Variants in TCERG1L observed in about 807,000 individuals in gnomAD.
TCERG1L encodes the protein transcription elongation regulator 1-like protein.
A neutral mutation model predicts 56.3 loss-of-function variants in TCERG1L; 37 were observed. The observed-to-expected ratio is 0.66, with a 90% CI of 0.51 to 0.87. The LOEUF (loss-of-function observed/expected upper bound fraction) is 0.87. Among genes scored for constraint, TCERG1L ranks in the 40% least tolerant of loss-of-function variants. TCERG1L has a pLI of 0.00. For synonymous variants in TCERG1L, 324 were observed against 326.3 expected (o/e 0.99, Z 0.08); for missense variants, 799 against 774.2 (o/e 1.03, Z -0.38).
chr10:131,126,759 C>A (rs1467168160), intron 8 of TCERG1L, among the ~76,000 whole-genome samples: 1 of 152,218 alleles, frequency 6.6e-6, no homozygotes, highest in African/African-American at 2.4e-5. Context: ...GCAGCACCTA[C>A]CTCCACCCAG....
At chr10:131,170,976 T>C (rs899667575) in intron 4 of TCERG1L, among the ~76,000 whole-genome samples, 1 of 152,058 alleles carries the variant, frequency 6.6e-6, no homozygotes, top group African/African-American at 2.4e-5. Context: ...TGAAACCCTG[T>C]CTCTACTAAA....
intron 6 of TCERG1L, among the ~76,000 whole-genome samples, chr10:131,151,402 T>C (rs1232822380): frequency 2.6e-5 from 4 of 151,920 alleles, no homozygotes; most frequent in Admixed American, 1.3e-4. Context: ...ATAGGCCCCA[T>C]GCAAGTCCAA....
intron 4 of TCERG1L, among the ~76,000 whole-genome samples, chr10:131,259,034 G>A (rs1039721342): frequency 2.0e-5 from 3 of 152,066 alleles, no homozygotes; most frequent in Admixed American, 6.5e-5. Context: ...CTAAATGCAT[G>A]TTCACTGACA....
chr10:131,129,813 T>G lies in TCERG1L; in HGVS notation c.1259+4566A>C, dbSNP rs114074708. Among the ~76,000 whole-genome samples the G allele has an allele frequency of 8.0e-3, 1,225 of 152,322 alleles. 16 individuals carry two copies. Among genetic ancestry groups the G allele is most frequent in the African/African-American group, 0.028 (1,164 of 41,564 alleles). ...AAAGGAGGTGTAATTGACTCACAGTTGCGCATGGATCGGGAGGCCTCAGGA... is the reference window on the plus strand; with the variant it reads ...AAAGGAGGTGTAATTGACTCACAGTGGCGCATGGATCGGGAGGCCTCAGGA... On this transcript the variant is annotated intron_variant, in intron 8 of 11. Coordinates refer to ENST00000368642, the MANE Select transcript of TCERG1L (RefSeq NM_174937.4).
chr10:131,207,682 G>A (rs1041844475), intron 4 of TCERG1L, among the ~76,000 whole-genome samples: 3 of 152,186 alleles, frequency 2.0e-5, no homozygotes, highest in South Asian at 2.1e-4. Flanking sequence ...TTCCTGTGAG[G>A]ACAGCGCGGG....
chr10:131,128,309 C>T (rs1845582606), intron 8 of TCERG1L, among the ~76,000 whole-genome samples: 1 of 152,152 alleles, frequency 6.6e-6, no homozygotes, highest in Non-Finnish European at 1.5e-5. Flanking sequence ...CAGGAGGAAG[C>T]CGAGGGAGAA....
At chr10:131,220,677 C>T (rs1055822351) in intron 4 of TCERG1L, among the ~76,000 whole-genome samples, 1 of 152,184 alleles carries the variant, frequency 6.6e-6, no homozygotes, top group African/African-American at 2.4e-5. Flanking sequence ...GAAGGGCTTG[C>T]CTGAGGCCCC....
At chr10:131,271,131 G>C (rs899825956) in intron 3 of TCERG1L, among the ~76,000 whole-genome samples, 1 of 152,148 alleles carries the variant, frequency 6.6e-6, no homozygotes, top group Non-Finnish European at 1.5e-5. Context: ...ACCAGCTGTT[G>C]AGATGCTTCC....
At chr10:131,132,514 T>C (rs1845628831) in intron 8 of TCERG1L, among the ~76,000 whole-genome samples, 1 of 152,254 alleles carries the variant, frequency 6.6e-6, no homozygotes, top group African/African-American at 2.4e-5. Context: ...ACAGCCCAGC[T>C]GCTTCGGATC....
intron 8 of TCERG1L, among the ~76,000 whole-genome samples, chr10:131,121,326 A>G (rs2133393715): frequency 6.6e-6 from 1 of 152,328 alleles, no homozygotes; most frequent in South Asian, 2.1e-4. Context: ...GACTTGCTGT[A>G]CAACCTTGGC....
At chr10:131,297,015 T>A (rs983849821) in intron 3 of TCERG1L, among the ~76,000 whole-genome samples, 1 of 152,244 alleles carries the variant, frequency 6.6e-6, no homozygotes, top group Non-Finnish European at 1.5e-5. Context: ...TATATCGTCA[T>A]TTGTCTGCAC....
At chr10:131,305,893 T>C (rs1265603967) in intron 3 of TCERG1L, among the ~76,000 whole-genome samples, 1 of 150,656 alleles carries the variant, frequency 6.6e-6, no homozygotes, top group African/African-American at 2.5e-5. Flanking sequence ...TGCATATATT[T>C]GTAAATGCAT....
At chr10:131,148,067 G>C (rs1315273183) in intron 6 of TCERG1L, among the ~76,000 whole-genome samples, 1 of 152,242 alleles carries the variant, frequency 6.6e-6, no homozygotes, top group Non-Finnish European at 1.5e-5. Flanking sequence ...CCACGCTCAT[G>C]AGTGTGGGAG....
At chr10:131,166,991 T>A in intron 4 of TCERG1L, 106 bp from the exon 5 acceptor site, 1 of 932,878 alleles carries the variant, frequency 1.1e-6, no homozygotes, top group Non-Finnish European at 1.6e-6. Context: ...AATTGGTCAG[T>A]AGACACTGTG....
intron 4 of TCERG1L, among the ~76,000 whole-genome samples, chr10:131,184,332 T>C (rs12249898): frequency 0.11 from 17,352 of 152,272 alleles, 1,015 homozygotes; most frequent in East Asian, 0.2. Flanking sequence ...GTGTGATTGA[T>C]ACAAAATAGA....
In TCERG1L at chr10:131,250,743, T is replaced by C. The variant is rs557294540; in HGVS notation, c.856+9516A>G. Among the ~76,000 whole-genome samples the C allele has an allele frequency of 1.3e-4, 20 of 152,274 alleles. No homozygotes were observed. In the South Asian group the frequency reaches 1.7e-3, roughly 13 times the overall value. On this transcript the variant is annotated intron_variant, in intron 4 of 11. Transcript: ENST00000368642. Reference sequence around the variant, plus strand: ...GCCCAGCGCCCTGTTAGTTGACTTCTTAGGGAGTGAGAAGTTCTGCCTGCT... The same window carrying C: ...GCCCAGCGCCCTGTTAGTTGACTTCCTAGGGAGTGAGAAGTTCTGCCTGCT...
chr10:131,197,957 A>G lies in TCERG1L; in HGVS notation c.857-31072T>C, dbSNP rs190079330. On this transcript the variant is annotated intron_variant, in intron 4 of 11. Transcript: ENST00000368642. ...CTGTGTCCTTGTCAAACATCTCTGC[A>G]TACAAAACAATTTTGTAACATCATT... Among the ~76,000 whole-genome samples the G allele has an allele frequency of 3.8e-4, 58 of 152,376 alleles. No individual in the cohort carries two copies. In the East Asian group the frequency reaches 9.4e-3, roughly 25 times the overall value.
intron 4 of TCERG1L, among the ~76,000 whole-genome samples, chr10:131,214,149 C>A (rs1022557733): frequency 3.3e-5 from 5 of 152,212 alleles, no homozygotes; most frequent in Admixed American, 6.5e-5. Flanking sequence ...CTCCTGACAT[C>A]CTCTGCAGGG....
At chr10:131,233,832 G>A (rs1404555911) in intron 4 of TCERG1L, among the ~76,000 whole-genome samples, 3 of 152,194 alleles carry the variant, frequency 2.0e-5, no homozygotes, top group African/African-American at 7.2e-5. Context: ...TGGGGAAGCT[G>A]GGTCAGAGGG....
Sources: gnomAD v4.1 joint callset for allele counts (sites outside exome capture counted in the v4.1 genomes callset) on GRCh38, gnomAD v4.1.1 for gene constraint, MANE v1.5 for transcripts, NCBI Gene and HGNC (gene_info 2026-07-23, HGNC 2026-07-21) for gene names.